Variants in POLG2 observed in about 807,000 individuals in gnomAD.
POLG2 encodes the protein DNA polymerase subunit gamma-2.
A neutral mutation model predicts 56.5 loss-of-function variants in POLG2; 50 were observed. The observed-to-expected ratio is 0.88, with a 90% CI of 0.71 to 1.12. POLG2 has a LOEUF of 1.12. Ranked by LOEUF, POLG2 falls within the 50% of genes most tolerant of loss-of-function variation. The pLI is 0.00. For synonymous variants in POLG2, 226 were observed against 222.6 expected, an observed-to-expected ratio of 1.02 and a Z score of -0.14; for missense variants, 584 against 583.3, an observed-to-expected ratio of 1.00 and a Z score of -0.01.
intron 4 of POLG2, chr17:64,490,506 G>A (rs879985469): frequency 5.1e-6 from 2 of 391,808 alleles, no homozygotes; most frequent in Non-Finnish European, 9.5e-6. Context: ...TTGTTCATTT[G>A]AAGGAGTGTA....
chr17:64,486,646 G>A (rs1312329602), intron 4 of POLG2, among the ~76,000 whole-genome samples: 2 of 152,160 alleles, frequency 1.3e-5, no homozygotes, highest in African/African-American at 4.8e-5. Context: ...TTACAGGCGT[G>A]AGCCACTGCG....
chr17:64,490,758 TG>T, intron 4 of POLG2, 37 bp downstream of exon 4: 1 of 1,505,168 alleles, frequency 6.6e-7, no homozygotes, highest in Non-Finnish European at 9.3e-7. Flanking sequence ...ATAGAGAATC[TG>T]GGTAAAAAAT....
Position 64,496,678 on chromosome 17 carries a change from G to A in POLG2, c.291C>T (p.Pro97=), listed in dbSNP as rs2038158200. The A allele has an allele frequency of 3.7e-6, 6 of 1,613,990 alleles. No homozygotes were observed. The highest frequency in any genetic ancestry group is 5.1e-6 in the Non-Finnish European group (6 of 1,180,008). ...ACTCTACGCCCAAGGGTCCGAAGCC[G>A]GGGTGGCACCCACTCAGAAGAGAAT... The part of the protein sequence containing the change: ...SRDSLLSGCH[P]GFGPLGVELR... The change falls in exon 1 of 8, where the codon CCC becomes CCT. Residue 97 remains proline, a synonymous_variant. Coordinates refer to ENST00000539111, the MANE Select transcript of POLG2 (RefSeq NM_007215.4).
rs1383835648 is a variant in POLG2 at position 64,496,667 on chromosome 17, G to C, written c.302C>G (p.Pro101Arg). The change falls in exon 1 of 8, where the codon CCC (proline) becomes CGC (arginine). Residue 101 changes from proline (P) to arginine (R), a missense_variant. Transcript: ENST00000539111. Reference sequence around the variant, plus strand: ...GTTCTTCCGCAACTCTACGCCCAAGGGTCCGAAGCCGGGGTGGCACCCACT... The same window carrying C: ...GTTCTTCCGCAACTCTACGCCCAAGCGTCCGAAGCCGGGGTGGCACCCACT... ...LLSGCHPGFG[P>R]LGVELRKNLA... is the part of the protein sequence containing the mutation. 26 of 1,613,828 alleles carry C rather than the reference G, an allele frequency of 1.6e-5. No homozygotes were observed. The highest frequency in any genetic ancestry group is 2.2e-5 in the Non-Finnish European group (26 of 1,180,012).
intron 4 of POLG2, among the ~76,000 whole-genome samples, chr17:64,487,814 C>T (rs113252144): frequency 0.049 from 7,379 of 152,000 alleles, 244 homozygotes; most frequent in Non-Finnish European, 0.078. Flanking sequence ...CTAGCCTGGG[C>T]AACATGGCAA....
intron 5 of POLG2, chr17:64,485,014 C>T (rs1418744047): frequency 6.6e-6 from 1 of 152,218 alleles, no homozygotes; most frequent in Non-Finnish European, 1.5e-5. Flanking sequence ...AAATAGAGGG[C>T]ATCAGTAAAA....
At chr17:64,480,938 A>G (rs2037846387) in intron 6 of POLG2, among the ~76,000 whole-genome samples, 1 of 152,234 alleles carries the variant, frequency 6.6e-6, no homozygotes, top group African/African-American at 2.4e-5. Context: ...GACTGGAAAT[A>G]CAGAAGTAAC....
At position 64,482,973 on chromosome 17, in the gene POLG2, G is replaced by A. The variant is rs1159659072; in HGVS notation, c.1137C>T (p.Ala379=). 6.2e-7 allele frequency: 1 copy of A among 1,605,964 alleles called. No homozygotes were observed. The highest frequency in any genetic ancestry group is 1.1e-5 in the South Asian group (1 of 90,892). The change falls in exon 6 of 8, where the codon GCC becomes GCT. Residue 379 remains alanine, a synonymous_variant. Coordinates refer to ENST00000539111, the MANE Select transcript of POLG2 (RefSeq NM_007215.4). ...RKVLKLHPCL[A]PIKVALDVGR... ...CTACATCCAAAGCAACCTTAATAGGGGCTAAACAAGGGTGAAGTTTAAGTA... is the reference window on the plus strand; with the variant it reads ...CTACATCCAAAGCAACCTTAATAGGAGCTAAACAAGGGTGAAGTTTAAGTA...
intron 4 of POLG2, chr17:64,490,345 A>T (rs2038036376): frequency 5.4e-6 from 1 of 184,048 alleles, no homozygotes; most frequent in Admixed American, 5.5e-5. Context: ...CACTGAGAAG[A>T]GAGCTTCTCA....
intron 1 of POLG2, among the ~76,000 whole-genome samples, chr17:64,495,385 GC>G (rs1555669322): frequency 2.6e-5 from 4 of 152,044 alleles, no homozygotes; most frequent in Non-Finnish European, 1.5e-5. Flanking sequence ...TTCAAGACCA[GC>G]CTGGACAACA....
At chr17:64,490,497 TGTTCATTTGAA>T in intron 4 of POLG2, 1 of 376,566 alleles carries the variant, frequency 2.7e-6, no homozygotes, top group South Asian at 2.4e-5. Context: ...CAAGAGGAAT[TGTTCATTTGAA>T]GGAGTGTAAA....
At chr17:64,490,135 G>A (rs2038032012) in intron 4 of POLG2, among the ~76,000 whole-genome samples, 1 of 152,114 alleles carries the variant, frequency 6.6e-6, no homozygotes, top group Non-Finnish European at 1.5e-5. Context: ...ACATTGGCCA[G>A]GATGGTCTCA....
rs1555667343 is a variant in POLG2, at chr17:64,485,744, T to C, written c.1094A>G (p.Lys365Arg). 6.2e-7 allele frequency: 1 copy of C among 1,613,236 alleles called. No homozygotes were observed. The change falls in exon 5 of 8, where the codon AAA becomes AGA. Residue 365 changes from lysine to arginine, a missense_variant. Coordinates refer to ENST00000539111, the MANE Select transcript of POLG2 (RefSeq NM_007215.4). ...CAACAGCACCTTTCTATGAAGATTTTTCTTTCTTGTAAAGGAGTTCTCTGT... is the reference window on the plus strand; with the variant it reads ...CAACAGCACCTTTCTATGAAGATTTCTCTTTCTTGTAAAGGAGTTCTCTGT... Reference protein sequence around the residue: ...QLTENSFTRKKNLHRKVLKLH... With the variant: ...QLTENSFTRKRNLHRKVLKLH...
Position 64,496,459 on chromosome 17 carries a change from A to G in POLG2, c.510T>C (p.Phe170=), listed in dbSNP as rs1555669524. 8 of 1,596,918 alleles carry G rather than the reference A, an allele frequency of 5.0e-6. No individual in the cohort carries two copies. The highest frequency in any genetic ancestry group is 3.3e-4 in the Middle Eastern group (2 of 6,004). The stretch of plus-strand genomic sequence containing the variant: ...CAGAAGTTTTTAATACGTTCTCAAG[A>G]AATGCTACTAGCTGTTCCTTACTCA... ...KELSKEQLVA[F]LENVLKTSGK... is the part of the protein sequence containing the mutation. The change falls in exon 1 of 8, where the codon TTT becomes TTC. Residue 170 remains phenylalanine, a synonymous_variant. Transcript: ENST00000539111.
chr17:64,493,018 G>A lies in POLG2; in HGVS notation c.566C>T (p.Ala189Val). 1 of 1,613,978 alleles carries A rather than the reference G, an allele frequency of 6.2e-7. No individual in the cohort carries two copies. The highest frequency in any genetic ancestry group is 1.7e-5 in the Admixed American group (1 of 60,016). ...GKLRENLLHG[A>V]LEHYVNCLDL... ...CAGGCAATTAACATAGTGTTCCAAG[G>A]CACCTGTCAAAAGATAAATCAATCA... Residue 189 changes from alanine to valine, a missense_variant, in exon 2 of 8, where the codon GCC becomes GTC. Physicochemically the swap from Ala to Val is moderately conservative, Grantham distance 64. Coordinates refer to ENST00000539111, the MANE Select transcript of POLG2 (RefSeq NM_007215.4).
rs781922249 is a variant in POLG2, at chr17:64,492,693, G to T, written c.769C>A (p.Arg257Ser). 7 of 1,610,022 alleles carry T rather than the reference G, an allele frequency of 4.3e-6. No homozygotes were observed. The South Asian group carries it at 4.4e-5, about 10-fold the overall frequency. Residue 257 changes from arginine (R) to serine (S), a missense_variant, in exon 3 of 8, where the codon CGT becomes AGT. By Grantham distance (110) the Arg-to-Ser change is moderately radical (BLOSUM62 -1). Transcript: ENST00000539111. ...TSNQWLDFWL[R>S]HRLQWWRKFA... Reference sequence around the variant, plus strand: ...TTTCTCCACCACTGGAGTCGATGACGTAACCAGAAATCAAGCCACTGGTTT... The same window carrying T: ...TTTCTCCACCACTGGAGTCGATGACTTAACCAGAAATCAAGCCACTGGTTT...
chr17:64,485,149 C>T (rs1429121396), intron 5 of POLG2: 1 of 153,618 alleles, frequency 6.5e-6, no homozygotes, highest in Non-Finnish European at 1.4e-5. Flanking sequence ...TGATCCCATC[C>T]TGACCCCTCC....
chr17:64,485,854 T>C lies in POLG2; in HGVS notation c.984A>G (p.Arg328=), dbSNP rs2037941745. ...NVSKLHGRDG[R]KNVVPCVLSV... ...AGAGAACACAAGGAACCACATTTTT[T>C]CGTCCATCTCGGCCCTTCACAGAAA... Residue 328 remains arginine, a synonymous_variant, in exon 5 of 8, where the codon CGA becomes CGG. Transcript: ENST00000539111. 3.7e-6 allele frequency: 6 copies of C among 1,614,010 alleles called. No homozygotes were observed. In the African/African-American group the frequency reaches 4.0e-5, roughly 11 times the overall value.
Position 64,485,843 on chromosome 17 carries a change from A to C in POLG2, c.995T>G (p.Val332Gly). The change falls in exon 5 of 8, where the codon GTT (valine) becomes GGT (glycine). Residue 332 changes from valine (V) to glycine (G), a missense_variant. Transcript: ENST00000539111. ...CCCATTTACAGAGAGAACACAAGGA[A>C]CCACATTTTTTCGTCCATCTCGGCC... Reference protein sequence around the residue: ...LHGRDGRKNVVPCVLSVNGDL... With the variant: ...LHGRDGRKNVGPCVLSVNGDL... 6.2e-7 allele frequency: 1 copy of C among 1,614,062 alleles called. No homozygotes were observed. Among genetic ancestry groups the C allele is most frequent in the Non-Finnish European group, 8.5e-7 (1 of 1,179,890 alleles).
Sources: gnomAD v4.1 joint callset for allele counts (sites outside exome capture counted in the v4.1 genomes callset) on GRCh38, gnomAD v4.1.1 for gene constraint, MANE v1.5 for transcripts, NCBI Gene and HGNC (gene_info 2026-07-23, HGNC 2026-07-21) for gene names.